The following MLLT3 variants were observed in gnomAD, a reference collection of about 807,000 sequenced individuals.
MLLT3 encodes protein AF-9.
In MLLT3, 4 loss-of-function variants were observed where a neutral mutation model predicts 53.2. That is an observed-to-expected ratio of 0.08 (90% CI 0.04 to 0.17). MLLT3 has a LOEUF of 0.17. MLLT3 is among the 10% of genes least tolerant of loss of function. The pLI, the probability that MLLT3 is intolerant of heterozygous loss-of-function variation, is 1.00. For synonymous variants in MLLT3, 283 were observed against 230.6 expected (o/e 1.23, Z -2.06); for missense variants, 569 against 684.0 (o/e 0.83, Z 1.87).
At chr9:20,574,583 C>T (rs1167890433) in intron 2 of MLLT3, among the ~76,000 whole-genome samples, 1 of 152,144 alleles carries the variant, frequency 6.6e-6, no homozygotes, top group Non-Finnish European at 1.5e-5. Flanking sequence ...TTTAAAAATG[C>T]TTTATTGCTT....
intron 5 of MLLT3, among the ~76,000 whole-genome samples, chr9:20,397,816 T>G (rs1049113831): frequency 6.6e-6 from 1 of 152,160 alleles, no homozygotes; most frequent in Non-Finnish European, 1.5e-5. Context: ...GGTATAATTT[T>G]TGTCTCATAG....
chr9:20,595,996 C>T (rs1205983095), intron 2 of MLLT3, among the ~76,000 whole-genome samples: 2 of 152,184 alleles, frequency 1.3e-5, no homozygotes, highest in East Asian at 3.8e-4. Context: ...TTAAAAGCCA[C>T]ATATGTCTAG....
intron 2 of MLLT3, among the ~76,000 whole-genome samples, chr9:20,485,536 T>C (rs1038182831): frequency 6.6e-6 from 1 of 152,204 alleles, no homozygotes; most frequent in Non-Finnish European, 1.5e-5. Context: ...ATAATATCAC[T>C]ACACTTGTTT....
chr9:20,584,113 T>C (rs904570171), intron 2 of MLLT3, among the ~76,000 whole-genome samples: 9 of 152,274 alleles, frequency 5.9e-5, no homozygotes, highest in African/African-American at 2.2e-4. Context: ...AAATCATCTC[T>C]CTCAAGTTCA....
intron 5 of MLLT3, among the ~76,000 whole-genome samples, chr9:20,392,233 A>G (rs1418239661): frequency 6.6e-6 from 1 of 152,134 alleles, no homozygotes; most frequent in African/African-American, 2.4e-5. Context: ...CACTTCCTCA[A>G]ACCATACCTG....
chr9:20,444,741 C>CT (rs1255605284), intron 4 of MLLT3, among the ~76,000 whole-genome samples: 4 of 147,912 alleles, frequency 2.7e-5, no homozygotes, highest in Admixed American at 6.7e-5. Flanking sequence ...GTGTGGTAGT[C>CT]TGTGCCTGTA....
chr9:20,460,636 A>G (rs530283056), intron 2 of MLLT3, among the ~76,000 whole-genome samples: 1 of 152,274 alleles, frequency 6.6e-6, no homozygotes, highest in South Asian at 2.1e-4. Flanking sequence ...ATAATTATTC[A>G]TCTTTGCAAG....
chr9:20,613,390 A>T (rs528267524), intron 2 of MLLT3, among the ~76,000 whole-genome samples: 305 of 152,364 alleles, frequency 2.0e-3, no homozygotes, highest in Non-Finnish European at 3.3e-3. Context: ...ATATATGTGC[A>T]AAATAAATAG....
At chr9:20,430,136 A>C (rs1823230063) in intron 4 of MLLT3, among the ~76,000 whole-genome samples, 1 of 152,160 alleles carries the variant, frequency 6.6e-6, no homozygotes. Context: ...AACAAAATAT[A>C]AAGTAGCTAG....
chr9:20,464,298 A>C (rs1287712119), intron 2 of MLLT3, among the ~76,000 whole-genome samples: 2 of 152,140 alleles, frequency 1.3e-5, no homozygotes, highest in Non-Finnish European at 2.9e-5. Flanking sequence ...GCACTACAAA[A>C]TCTTAAGGCT....
chr9:20,379,741 C>T (rs1410466719), intron 5 of MLLT3, among the ~76,000 whole-genome samples: 1 of 152,010 alleles, frequency 6.6e-6, no homozygotes, highest in Admixed American at 6.6e-5. Context: ...CCCATTCACT[C>T]CAGTTAGGCT....
At chr9:20,489,172 G>C (rs1824884612) in intron 2 of MLLT3, among the ~76,000 whole-genome samples, 2 of 152,108 alleles carry the variant, frequency 1.3e-5, no homozygotes, top group South Asian at 2.1e-4. Flanking sequence ...CGGGTGGAAG[G>C]GTAGAGAGGT....
At chr9:20,556,730 A>C (rs547636187) in intron 2 of MLLT3, among the ~76,000 whole-genome samples, 8 of 152,266 alleles carry the variant, frequency 5.3e-5, no homozygotes, top group African/African-American at 1.9e-4. Context: ...ATAAGATAAC[A>C]AAAGAGTTCA....
At chr9:20,515,746 A>G (rs1230748559) in intron 2 of MLLT3, among the ~76,000 whole-genome samples, 1 of 152,196 alleles carries the variant, frequency 6.6e-6, no homozygotes, top group Non-Finnish European at 1.5e-5. Flanking sequence ...CACCTCTACT[A>G]TGGTTGCCAT....
rs1228418839 is a variant in MLLT3 at position 20,345,228 on chromosome 9, T to C, written c.*1215A>G. 2.7e-5 allele frequency: 6 copies of C among 223,362 alleles called. No individual in the cohort carries two copies. In the East Asian group the frequency reaches 3.9e-4, roughly 14 times the overall value. 13.8% of individuals were successfully genotyped at this position (223,362 alleles called of 1,614,324 possible). A position where few individuals can be genotyped will look rare whatever the true frequency, so the allele number is the denominator to read the frequency against. Reference sequence around the variant, plus strand: ...ATATTAGCAAGCAACTAAACAGGTATTGAACCACTGAATCTACAAGTTAAT... The same window carrying C: ...ATATTAGCAAGCAACTAAACAGGTACTGAACCACTGAATCTACAAGTTAAT... On this transcript the variant is annotated 3_prime_UTR_variant, in exon 11 of 11. Transcript: ENST00000380338.
chr9:20,536,067 T>C (rs1818475516), intron 2 of MLLT3, among the ~76,000 whole-genome samples: 1 of 152,020 alleles, frequency 6.6e-6, no homozygotes, highest in Admixed American at 6.6e-5. Context: ...CTTAATGTAG[T>C]CAAGCAGGCA....
chr9:20,367,961 C>G (rs1295234873), intron 5 of MLLT3, among the ~76,000 whole-genome samples: 2 of 152,246 alleles, frequency 1.3e-5, no homozygotes, highest in African/African-American at 2.4e-5. Flanking sequence ...ATGCACAATT[C>G]ACATCCTCAG....
chr9:20,359,476 T>C (rs1821263297), intron 8 of MLLT3, among the ~76,000 whole-genome samples: 1 of 152,226 alleles, frequency 6.6e-6, no homozygotes, highest in African/African-American at 2.4e-5. Flanking sequence ...ATAATGAGGC[T>C]GGACTTTGAT....
At chr9:20,564,550 C>T (rs1285820025) in intron 2 of MLLT3, among the ~76,000 whole-genome samples, 1 of 152,178 alleles carries the variant, frequency 6.6e-6, no homozygotes, top group Non-Finnish European at 1.5e-5. Flanking sequence ...ACATAAGCTT[C>T]CCAATACAGT....
Sources: allele counts gnomAD v4.1 joint callset (sites outside exome capture counted in the v4.1 genomes callset), GRCh38; gene constraint gnomAD v4.1.1; transcripts MANE v1.5; gene names NCBI Gene and HGNC (gene_info 2026-07-23, HGNC 2026-07-21).